The following NCAM1 variants were observed in gnomAD, a reference collection of about 807,000 sequenced individuals.
NCAM1 encodes neural cell adhesion molecule 1, also known as antigen recognized by monoclonal antibody 5.1H11.
In NCAM1, 14 loss-of-function variants were observed where a neutral mutation model predicts 109.8. The ratio of observed to expected loss-of-function variants is 0.13; its 90% confidence interval spans 0.08 to 0.20. NCAM1 has a LOEUF of 0.20. Among genes scored for constraint, NCAM1 ranks in the 10% least tolerant of loss-of-function variants. The pLI, the probability that NCAM1 is intolerant of heterozygous loss-of-function variation, is 1.00. For missense variants in NCAM1, 774 were observed against 1,109.9 expected, an observed-to-expected ratio of 0.70 and a Z score of 4.30; for synonymous variants, 418 against 442.9, an observed-to-expected ratio of 0.94 and a Z score of 0.70.
chr11:113,066,553 T>C (rs958163189), intron 1 of NCAM1, among the ~76,000 whole-genome samples: 4 of 152,210 alleles, frequency 2.6e-5, no homozygotes, highest in African/African-American at 9.6e-5. Context: ...CATAAAGATA[T>C]TGGTTGACCT....
chr11:113,226,739 C>T (rs1187735422), intron 9 of NCAM1, among the ~76,000 whole-genome samples: 3 of 152,210 alleles, frequency 2.0e-5, no homozygotes, highest in African/African-American at 7.2e-5. Flanking sequence ...TCTCTCAGAC[C>T]ACAGTGCGAT....
chr11:113,227,612 T>G (rs1214310412), intron 9 of NCAM1, among the ~76,000 whole-genome samples: 1 of 152,200 alleles, frequency 6.6e-6, no homozygotes, highest in African/African-American at 2.4e-5. Flanking sequence ...TACCAAAGCC[T>G]GGCAGAGACA....
At chr11:113,172,318 T>A (rs1201079706) in intron 1 of NCAM1, among the ~76,000 whole-genome samples, 1 of 152,152 alleles carries the variant, frequency 6.6e-6, no homozygotes, top group Non-Finnish European at 1.5e-5. Context: ...TCAAAACCAT[T>A]TTGTCTCGTG....
At chr11:113,186,236 G>T (rs1272602415) in intron 1 of NCAM1, among the ~76,000 whole-genome samples, 1 of 152,188 alleles carries the variant, frequency 6.6e-6, no homozygotes, top group Non-Finnish European at 1.5e-5. Context: ...GAGCATTACT[G>T]CCTGAGCTCT....
At chr11:113,272,097 T>C (rs1274008863) in intron 19 of NCAM1, among the ~76,000 whole-genome samples, 2 of 152,086 alleles carry the variant, frequency 1.3e-5, no homozygotes, top group Non-Finnish European at 2.9e-5. Context: ...AGAAGGCTCC[T>C]GTATAAGTAG....
chr11:113,248,555 G>A (rs1945568401), intron 15 of NCAM1, among the ~76,000 whole-genome samples: 1 of 152,130 alleles, frequency 6.6e-6, no homozygotes, highest in Non-Finnish European at 1.5e-5. Flanking sequence ...GTAAGCTGGG[G>A]GGTGAGGGGG....
intron 7 of NCAM1, among the ~76,000 whole-genome samples, chr11:113,210,775 AACAC>A (rs35387760): frequency 0.14 from 17,852 of 130,828 alleles, 1,332 homozygotes; most frequent in African/African-American, 0.23. Context: ...CTTCATCACA[AACAC>A]ACACACACAC....
chr11:113,270,839 G>A (rs1946251559), intron 18 of NCAM1, among the ~76,000 whole-genome samples: 3 of 152,108 alleles, frequency 2.0e-5, no homozygotes, highest in Admixed American at 1.3e-4. Context: ...AGGCACATAG[G>A]TACAACAGGG....
chr11:113,066,382 A>C (rs555576093), intron 1 of NCAM1, among the ~76,000 whole-genome samples: 182 of 152,300 alleles, frequency 1.2e-3, no homozygotes, highest in African/African-American at 4.1e-3. Context: ...TGCTTCACTA[A>C]TTACGTAAGG....
intron 1 of NCAM1, among the ~76,000 whole-genome samples, chr11:113,087,836 T>C (rs1375914927): frequency 2.0e-5 from 3 of 152,210 alleles, no homozygotes; most frequent in African/African-American, 7.2e-5. Context: ...CAGTCTCTAC[T>C]TTCATTTGAC....
Position 113,207,819 on chromosome 11 carries a change from T to TCTACATGC in NCAM1, c.747-13_747-6dup. ...GGTCGAAATCATGCTACTTTGCATT[T>TCTACATGC]CTACATGCTCTAGGGATGGGGAACA... On this transcript the variant is annotated splice_polypyrimidine_tract_variant and intron_variant, in intron 6 of 19. Transcript: ENST00000316851. 6.2e-7 allele frequency: 1 copy of TCTACATGC among 1,602,780 alleles called. No individual in the cohort carries two copies. The highest frequency in any genetic ancestry group is 8.5e-7 in the Non-Finnish European group (1 of 1,173,462).
At chr11:112,997,368 T>C (rs1450127570) in intron 1 of NCAM1, among the ~76,000 whole-genome samples, 1 of 152,194 alleles carries the variant, frequency 6.6e-6, no homozygotes, top group Non-Finnish European at 1.5e-5. Context: ...AATAGATTTA[T>C]AGGTGTTGTC....
At chr11:113,138,996 A>G (rs10891511) in intron 1 of NCAM1, among the ~76,000 whole-genome samples, 15,595 of 152,270 alleles carry the variant, frequency 0.1, 1,003 homozygotes, top group East Asian at 0.26. Context: ...CAAATTGCCA[A>G]TGCCTATCTT....
At chr11:113,193,160 G>A (rs1555110171) in intron 1 of NCAM1, among the ~76,000 whole-genome samples, 1 of 152,168 alleles carries the variant, frequency 6.6e-6, no homozygotes, top group African/African-American at 2.4e-5. Context: ...ATAACATCTG[G>A]AAAGCATTCT....
rs948621958 is a variant in NCAM1 at position 113,249,103 on chromosome 11, A to C, written c.1828+2733A>C. Among the ~76,000 whole-genome samples the C allele has an allele frequency of 2.0e-4, 30 of 152,134 alleles. 1 individual carries two copies. The highest frequency in any genetic ancestry group is 8.8e-5 in the Non-Finnish European group (6 of 68,032). On this transcript the variant is annotated intron_variant, in intron 15 of 19. Coordinates refer to ENST00000316851, the MANE Select transcript of NCAM1 (RefSeq NM_181351.5). ...CATGGCGCCCTCCCCAGCCATTCAT[A>C]ATGATATTTTTTTTCTTTAGCTACT... is the stretch of plus-strand genomic sequence containing the variant.
At chr11:113,210,932 T>G (rs1944375149) in intron 7 of NCAM1, among the ~76,000 whole-genome samples, 2 of 152,078 alleles carry the variant, frequency 1.3e-5, no homozygotes. Flanking sequence ...GAATCATAGA[T>G]TTGTAGAGAC....
chr11:113,122,309 A>G (rs1236683185), intron 1 of NCAM1, among the ~76,000 whole-genome samples: 1 of 152,224 alleles, frequency 6.6e-6, no homozygotes, highest in East Asian at 1.9e-4. Context: ...CACTCAGTGT[A>G]TTAACTGCAC....
intron 18 of NCAM1, among the ~76,000 whole-genome samples, chr11:113,271,440 A>G (rs1369844797): frequency 6.6e-6 from 1 of 151,774 alleles, no homozygotes; most frequent in African/African-American, 2.4e-5. Context: ...GTGTACAGAG[A>G]CAGATGTATG....
rs1452699467 is a variant in NCAM1 at position 113,278,088 on chromosome 11, C to CAA, written c.*2702_*2703dup. The stretch of plus-strand genomic sequence containing the variant: ...GGCCAAGTTCTGCTGGAGGAGCACT[C>CAA]AAGTGTGACGAGCAGGGCCACTGGA... On this transcript the variant is annotated 3_prime_UTR_variant, in exon 20 of 20. Transcript: ENST00000316851. 3.9e-5 allele frequency: 6 copies of CAA among 152,338 alleles called. No individual in the cohort carries two copies. In the East Asian group the frequency reaches 1.2e-3, roughly 29 times the overall value. The allele number at this position is 152,338 out of a possible 1,614,324, so 9.4% of individuals were successfully genotyped here.
Sources: gnomAD v4.1 joint callset for allele counts (sites outside exome capture counted in the v4.1 genomes callset) on GRCh38, gnomAD v4.1.1 for gene constraint, MANE v1.5 for transcripts, NCBI Gene and HGNC (gene_info 2026-07-23, HGNC 2026-07-21) for gene names.